Variants in MAN1C1 observed in about 807,000 individuals in gnomAD.
MAN1C1 encodes the protein mannosyl-oligosaccharide 1,2-alpha-mannosidase IC.
In MAN1C1, 49 loss-of-function variants were observed where a neutral mutation model predicts 71.5. The ratio of observed to expected loss-of-function variants is 0.69; its 90% confidence interval spans 0.54 to 0.87. The LOEUF is 0.87. Among genes scored for constraint, MAN1C1 ranks in the 40% least tolerant of loss-of-function variants. The pLI is 0.00. For missense variants in MAN1C1, 743 were observed against 835.0 expected (o/e 0.89, Z 1.36); for synonymous variants, 352 against 343.7 (o/e 1.02, Z -0.27).
chr1:25,751,957 T>C (rs1176110348), intron 4 of MAN1C1, among the ~76,000 whole-genome samples: 2 of 152,150 alleles, frequency 1.3e-5, no homozygotes, highest in African/African-American at 2.4e-5. Flanking sequence ...TGGGTGCCTG[T>C]TGGGTGGGTC....
At chr1:25,715,119 G>A (rs1369928415) in intron 2 of MAN1C1, among the ~76,000 whole-genome samples, 1 of 152,134 alleles carries the variant, frequency 6.6e-6, no homozygotes, top group African/African-American at 2.4e-5. Context: ...GAACAAGCTG[G>A]TACAACAACT....
At chr1:25,709,716 C>CTCTATCTATCTA (rs544843466) in intron 2 of MAN1C1, 4 of 151,948 alleles carry the variant, frequency 2.6e-5, no homozygotes, top group African/African-American at 9.7e-5. Flanking sequence ...CAGAAGGAAA[C>CTCTATCTATCTA]TCTATCTATC....
chr1:25,703,322 A>G (rs533606047), intron 2 of MAN1C1, among the ~76,000 whole-genome samples: 3 of 152,284 alleles, frequency 2.0e-5, no homozygotes, highest in African/African-American at 4.8e-5. Flanking sequence ...TGGCTGGAGA[A>G]CAGCCCTGAG....
Position 25,784,116 on chromosome 1 carries a change from G to GGTTTTT in MAN1C1, c.*335_*340dup, listed in dbSNP as rs1285115226. ...TTGATTTGCTTCCTTTTGGTTTCTTGGTTTTTGTTTTTGCTTGATTTTGTC... is the reference window on the plus strand; with the variant it reads ...TTGATTTGCTTCCTTTTGGTTTCTTGGTTTTTGTTTTTGTTTTTGCTTGATTTTGTC... On this transcript the variant is annotated 3_prime_UTR_variant, in exon 12 of 12. Coordinates refer to ENST00000374332, the MANE Select transcript of MAN1C1 (RefSeq NM_020379.4). 4.4e-6 allele frequency: 1 copy of GGTTTTT among 227,614 alleles called. No individual in the cohort carries two copies. Among genetic ancestry groups the GGTTTTT allele is most frequent in the Non-Finnish European group, 8.6e-6 (1 of 115,848 alleles). 14.1% of individuals were successfully genotyped at this position (227,614 alleles called of 1,614,324 possible). A position where few individuals can be genotyped will look rare whatever the true frequency, so the allele number is the denominator to read the frequency against.
chr1:25,783,899 C>T lies in MAN1C1; in HGVS notation c.*110C>T. 2 of 1,391,566 alleles carry T rather than the reference C, an allele frequency of 1.4e-6. No homozygotes were observed. The highest frequency in any genetic ancestry group is 2.7e-5 in the South Asian group (2 of 74,146). The allele number at this position is 1,391,566 out of a possible 1,614,324, so 86.2% of individuals were successfully genotyped here. On this transcript the variant is annotated 3_prime_UTR_variant, in exon 12 of 12. Transcript: ENST00000374332. ...ACGAAGGCCCCATCTCGGGCAGACC[C>T]CCAGCAGATGTGTCGGACAAGCAAC...
chr1:25,698,856 G>C (rs1198933953), intron 2 of MAN1C1, among the ~76,000 whole-genome samples: 36 of 151,856 alleles, frequency 2.4e-4, no homozygotes, highest in Non-Finnish European at 2.9e-5. Flanking sequence ...GGCTAGGCAG[G>C]AGAATTGCTT....
chr1:25,770,293 G>A (rs889146701), intron 7 of MAN1C1, among the ~76,000 whole-genome samples: 6 of 152,214 alleles, frequency 3.9e-5, no homozygotes, highest in South Asian at 2.1e-4. Flanking sequence ...ATGCTGGTCC[G>A]CTCTGGAACA....
chr1:25,627,541 C>T (rs1016313410), intron 1 of MAN1C1, among the ~76,000 whole-genome samples: 6 of 152,224 alleles, frequency 3.9e-5, no homozygotes, highest in African/African-American at 1.2e-4. Flanking sequence ...TCCCAAAGTG[C>T]TGGGATTACA....
rs1232173622 is a variant in MAN1C1, at chr1:25,642,573, A to G, written c.540+24236A>G. Among the ~76,000 whole-genome samples, 3 of 152,214 alleles carry G rather than the reference A, an allele frequency of 2.0e-5. No individual in the cohort carries two copies. In the South Asian group the frequency reaches 6.2e-4, roughly 32 times the overall value. ...TGGTCCCTTGGAGAGCTCTGTTTCT[A>G]TGCAAGAAACCTGTGAATTCTCAAC... On this transcript the variant is annotated intron_variant, in intron 1 of 11. Transcript: ENST00000374332.
At position 25,746,459 on chromosome 1, in the gene MAN1C1, C is replaced by A. The variant is rs1275879626; in HGVS notation, c.638-209C>A. ...CGGTCTCTCTGGCCGCTGTTTGCTG[C>A]CTTGAGGAGGAAGCAGCCCATGGCG... On this transcript the variant is annotated intron_variant, in intron 2 of 11. Coordinates refer to ENST00000374332, the MANE Select transcript of MAN1C1 (RefSeq NM_020379.4). This position sits in a 1 kb window ranked among gnomAD's most constrained non-coding sequence, Gnocchi z 4.0. Among the ~76,000 whole-genome samples, 11 of 152,166 alleles carry A rather than the reference C, an allele frequency of 7.2e-5. No homozygotes were observed. The highest frequency in any genetic ancestry group is 1.2e-4 in the Non-Finnish European group (8 of 68,032).
At chr1:25,698,520 G>A (rs1003763455) in intron 2 of MAN1C1, among the ~76,000 whole-genome samples, 2 of 152,144 alleles carry the variant, frequency 1.3e-5, no homozygotes, top group Non-Finnish European at 1.5e-5. Context: ...CAAGACAGAC[G>A]CTCTGTGACC....
rs574857392 is a variant in MAN1C1 at position 25,681,400 on chromosome 1, C to T, written c.541-5040C>T. Among the ~76,000 whole-genome samples, 4 of 152,260 alleles carry T rather than the reference C, an allele frequency of 2.6e-5. No individual in the cohort carries two copies. The East Asian group carries it at 7.7e-4, about 29-fold the overall frequency. ...ATCGACCAGGGAAGCTCTTTAGAGA[C>T]TCGGTGCCCAAGGTAGGCACCCCCT... On this transcript the variant is annotated intron_variant, in intron 1 of 11. Transcript: ENST00000374332.
Position 25,730,003 on chromosome 1 carries a change from T to A in MAN1C1, c.638-16665T>A, listed in dbSNP as rs1209177896. Among the ~76,000 whole-genome samples, 1 of 152,144 alleles carries A rather than the reference T, an allele frequency of 6.6e-6. No individual in the cohort carries two copies. Among genetic ancestry groups the A allele is most frequent in the Non-Finnish European group, 1.5e-5 (1 of 68,028 alleles). ...TCATAATCATTCATTTACTTGCTGTTTTGCTGGGAAATTGCTTACTGTCTT... is the reference window on the plus strand; with the variant it reads ...TCATAATCATTCATTTACTTGCTGTATTGCTGGGAAATTGCTTACTGTCTT... On this transcript the variant is annotated intron_variant, in intron 2 of 11. Transcript: ENST00000374332. The surrounding 1 kb of genome is among the most constrained non-coding windows in gnomAD (Gnocchi z 4.3).
In MAN1C1 at chr1:25,782,389, A is replaced by C. The variant is rs1036630692; in HGVS notation, c.1651-196A>C. 6.6e-6 allele frequency among the ~76,000 whole-genome samples: 1 copy of C among 152,130 alleles called. No individual in the cohort carries two copies. Among genetic ancestry groups the C allele is most frequent in the Admixed American group, 6.5e-5 (1 of 15,272 alleles). Reference sequence around the variant, plus strand: ...TGGGTGGAAGGAGTGTGGCCCCTCCAGCCTGGGGACAGGTGGCTAAACCCC... The same window carrying C: ...TGGGTGGAAGGAGTGTGGCCCCTCCCGCCTGGGGACAGGTGGCTAAACCCC... On this transcript the variant is annotated intron_variant, in intron 10 of 11. Coordinates refer to ENST00000374332, the MANE Select transcript of MAN1C1 (RefSeq NM_020379.4). This position sits in a 1 kb window ranked among gnomAD's most constrained non-coding sequence, Gnocchi z 4.4.
At chr1:25,628,657 T>C (rs1314538821) in intron 1 of MAN1C1, among the ~76,000 whole-genome samples, 3 of 152,194 alleles carry the variant, frequency 2.0e-5, no homozygotes, top group Admixed American at 1.3e-4. Context: ...TTTGGTTACA[T>C]GGATGAATTA....
Position 25,783,809 on chromosome 1 carries a change from CCTGGGGCCGCCG to C in MAN1C1, c.*22_*33del. 5 of 1,604,866 alleles carry C rather than the reference CCTGGGGCCGCCG, an allele frequency of 3.1e-6. No individual in the cohort carries two copies. The highest frequency in any genetic ancestry group is 4.2e-6 in the Non-Finnish European group (5 of 1,178,444). On this transcript the variant is annotated 3_prime_UTR_variant, in exon 12 of 12. Coordinates refer to ENST00000374332, the MANE Select transcript of MAN1C1 (RefSeq NM_020379.4). ...CACTGACCCCATCTCCTGCCGCCGC[CCTGGGGCCGCCG>C]CAGGGATGCCTTGCCTTTTCAGGAT... is the stretch of plus-strand genomic sequence containing the variant.
intron 7 of MAN1C1, among the ~76,000 whole-genome samples, chr1:25,767,328 C>CACACA (rs2047444386): frequency 2.1e-5 from 3 of 140,712 alleles, no homozygotes; most frequent in African/African-American, 2.7e-5. Flanking sequence ...CCCTCACACA[C>CACACA]TCCCCCCACA....
chr1:25,739,154 C>T (rs2047022885), intron 2 of MAN1C1, among the ~76,000 whole-genome samples: 2 of 152,154 alleles, frequency 1.3e-5, no homozygotes, highest in Non-Finnish European at 2.9e-5. Context: ...AAGAAAATAG[C>T]ACCTCATCCT....
intron 2 of MAN1C1, among the ~76,000 whole-genome samples, chr1:25,688,220 A>G (rs1460143020): frequency 3.3e-5 from 5 of 152,210 alleles, no homozygotes; most frequent in Non-Finnish European, 7.3e-5. Flanking sequence ...TTTACTTCAA[A>G]TATGAATTAA....
Sources: allele counts gnomAD v4.1 joint callset (sites outside exome capture counted in the v4.1 genomes callset), GRCh38; gene constraint gnomAD v4.1.1; non-coding constraint Gnocchi (gnomAD v3.1); transcripts MANE v1.5; gene names NCBI Gene and HGNC (gene_info 2026-07-23, HGNC 2026-07-21).